The following ASTN1 variants were observed in gnomAD, a reference collection of about 807,000 sequenced individuals.
ASTN1 encodes astrotactin-1.
ASTN1 carries 41 observed loss-of-function variants against 140.7 expected under a neutral mutation model. The ratio of observed to expected loss-of-function variants is 0.29; its 90% CI spans 0.23 to 0.38. The LOEUF is 0.38. Ranked by LOEUF, ASTN1 falls within the 10% of genes least tolerant of loss-of-function variation. The pLI, the probability that ASTN1 is intolerant of heterozygous loss-of-function variation, is 1.00. For synonymous variants in ASTN1, 640 were observed against 652.2 expected (o/e 0.98, Z 0.29); for missense variants, 1,479 against 1,678.8 (o/e 0.88, Z 2.08).
Position 177,085,124 on chromosome 1 carries a change from C to A in ASTN1, c.284-23859G>T, listed in dbSNP as rs188879760. Among the ~76,000 whole-genome samples, 25 of 152,290 alleles carry A rather than the reference C, an allele frequency of 1.6e-4. No homozygotes were observed. In the East Asian group the frequency reaches 4.6e-3, roughly 28 times the overall value. On this transcript the variant is annotated intron_variant, in intron 1 of 22. Coordinates refer to ENST00000361833, the MANE Select transcript of ASTN1 (RefSeq NM_004319.3). ...ATGGCTGGTACTAGTCCATACCAGA[C>A]ACTATGTTAGGTGTTATAAATACTT... is the stretch of plus-strand genomic sequence containing the variant.
At chr1:177,150,808 G>A (rs1682999178) in intron 1 of ASTN1, among the ~76,000 whole-genome samples, 1 of 152,062 alleles carries the variant, frequency 6.6e-6, no homozygotes, top group African/African-American at 2.4e-5. Context: ...TGGGCCAATT[G>A]CTTATTTTTG....
At chr1:176,886,744 G>A (rs35547225) in intron 18 of ASTN1, among the ~76,000 whole-genome samples, 13,273 of 152,216 alleles carry the variant, frequency 0.087, 755 homozygotes, top group Middle Eastern at 0.17. Flanking sequence ...CAGGCCAGAG[G>A]GCAGCCTCTC....
chr1:177,108,616 A>G (rs749821594), intron 1 of ASTN1, among the ~76,000 whole-genome samples: 6 of 152,088 alleles, frequency 3.9e-5, no homozygotes, highest in African/African-American at 7.2e-5. Flanking sequence ...TTATCCATTC[A>G]TCTGACAATG....
intron 8 of ASTN1, among the ~76,000 whole-genome samples, chr1:176,974,514 T>A (rs1673280970): frequency 6.6e-6 from 1 of 151,936 alleles, no homozygotes; most frequent in African/African-American, 2.4e-5. Flanking sequence ...GCCTCCCAAG[T>A]AGCTGGGATT....
intron 2 of ASTN1, among the ~76,000 whole-genome samples, chr1:177,043,853 G>C (rs1677087693): frequency 6.6e-6 from 1 of 152,168 alleles, no homozygotes; most frequent in African/African-American, 2.4e-5. Context: ...AGGGGAAGGA[G>C]GAGAAACCCT....
intron 1 of ASTN1, among the ~76,000 whole-genome samples, chr1:177,107,206 C>A (rs1468619773): frequency 6.6e-6 from 1 of 152,134 alleles, no homozygotes; most frequent in Non-Finnish European, 1.5e-5. Flanking sequence ...ACTCATCATC[C>A]CTGAGTGTAG....
chr1:177,033,355 C>T (rs944372107), intron 2 of ASTN1, among the ~76,000 whole-genome samples: 1 of 152,084 alleles, frequency 6.6e-6, no homozygotes, highest in Non-Finnish European at 1.5e-5. Context: ...AAATTCTAAA[C>T]CTCGGATACG....
At chr1:177,110,011 A>G (rs1680743674) in intron 1 of ASTN1, among the ~76,000 whole-genome samples, 1 of 152,106 alleles carries the variant, frequency 6.6e-6, no homozygotes, top group African/African-American at 2.4e-5. Flanking sequence ...GCTACTTAAT[A>G]TTATTCACTC....
At chr1:177,145,673 AGTCT>A (rs1454785950) in intron 1 of ASTN1, among the ~76,000 whole-genome samples, 3 of 152,222 alleles carry the variant, frequency 2.0e-5, no homozygotes, top group Non-Finnish European at 2.9e-5. Flanking sequence ...TCACTCAGTC[AGTCT>A]GTCAGTCAGT....
At chr1:176,946,754 G>A (rs1470609493) in intron 12 of ASTN1, among the ~76,000 whole-genome samples, 1 of 152,166 alleles carries the variant, frequency 6.6e-6, no homozygotes, top group Non-Finnish European at 1.5e-5. Context: ...AATGCCATGT[G>A]CACCATTAAC....
At chr1:176,933,015 T>C (rs1376998690) in intron 16 of ASTN1, among the ~76,000 whole-genome samples, 1 of 152,242 alleles carries the variant, frequency 6.6e-6, no homozygotes, top group Non-Finnish European at 1.5e-5. Context: ...AATGTTAAGA[T>C]CCTAAAGTTT....
chr1:177,045,373 A>G (rs1246805271), intron 2 of ASTN1, among the ~76,000 whole-genome samples: 1 of 152,204 alleles, frequency 6.6e-6, no homozygotes, highest in African/African-American at 2.4e-5. Context: ...AGGGAGGCAC[A>G]TTCCGCTGGC....
intron 20 of ASTN1, among the ~76,000 whole-genome samples, chr1:176,878,395 C>T (rs1428914688): frequency 6.6e-6 from 1 of 151,936 alleles, no homozygotes; most frequent in Non-Finnish European, 1.5e-5. Flanking sequence ...AACTCAAGGT[C>T]TTCTCACCCT....
Position 176,863,662 on chromosome 1 carries a change from A to G in ASTN1, c.*622T>C, listed in dbSNP as rs207460685. The G allele has an allele frequency of 9.1e-6, 9 of 985,532 alleles. No homozygotes were observed. Among genetic ancestry groups the G allele is most frequent in the Non-Finnish European group, 9.6e-6 (8 of 830,104 alleles). 61.0% of individuals were successfully genotyped at this position (985,532 alleles called of 1,614,324 possible). A position where few individuals can be genotyped will look rare whatever the true frequency, so the allele number is the denominator to read the frequency against. ...AAGGATCTCAAAACCCAAGTGGCCCACTGGGGCCTATAATGAAAGCTGGTT... is the reference window on the plus strand; with the variant it reads ...AAGGATCTCAAAACCCAAGTGGCCCGCTGGGGCCTATAATGAAAGCTGGTT... On this transcript the variant is annotated 3_prime_UTR_variant, in exon 23 of 23. Coordinates refer to ENST00000361833, the MANE Select transcript of ASTN1 (RefSeq NM_004319.3).
intron 16 of ASTN1, 135 bp from the exon 17 acceptor site, chr1:176,894,965 G>T: frequency 7.9e-7 from 1 of 1,259,476 alleles, no homozygotes; most frequent in Non-Finnish European, 1.1e-6. Context: ...ATGTGATTCT[G>T]CCATCCCACT....
Position 176,963,464 on chromosome 1 carries a change from A to G in ASTN1, c.1598+1699T>C, listed in dbSNP as rs554488360. ...GGCTAGTTATTTCCATGTTAGGGAT[A>G]AAAATTCTTAATCACTTATTGATTA... is the stretch of plus-strand genomic sequence containing the variant. On this transcript the variant is annotated intron_variant, in intron 9 of 22. Transcript: ENST00000361833. Among the ~76,000 whole-genome samples the G allele has an allele frequency of 2.6e-5, 4 of 152,334 alleles. No individual in the cohort carries two copies. The East Asian group carries it at 7.7e-4, about 29-fold the overall frequency.
At chr1:176,995,369 T>A (rs1160218359) in intron 8 of ASTN1, among the ~76,000 whole-genome samples, 1 of 152,174 alleles carries the variant, frequency 6.6e-6, no homozygotes, top group African/African-American at 2.4e-5. Context: ...AGGGCCACTT[T>A]ATTAAGACTC....
At chr1:177,022,264 G>T (rs1358282525) in intron 7 of ASTN1, among the ~76,000 whole-genome samples, 1 of 152,144 alleles carries the variant, frequency 6.6e-6, no homozygotes, top group Admixed American at 6.5e-5. Context: ...GGGTTGGCGG[G>T]GGGTGGCTGC....
chr1:177,072,640 T>C (rs1482922831), intron 1 of ASTN1, among the ~76,000 whole-genome samples: 2 of 152,236 alleles, frequency 1.3e-5, no homozygotes, highest in African/African-American at 2.4e-5. Flanking sequence ...TTGCCCCTTC[T>C]GTATTTTCTA....
Sources: allele counts gnomAD v4.1 joint callset (sites outside exome capture counted in the v4.1 genomes callset), GRCh38; gene constraint gnomAD v4.1.1; transcripts MANE v1.5; gene names NCBI Gene and HGNC (gene_info 2026-07-23, HGNC 2026-07-21).